The following LRRC75A variants were observed in gnomAD, a reference collection of about 807,000 sequenced individuals.
LRRC75A encodes leucine rich repeat containing 75A, also known as leucine-rich repeat-containing protein 75A.
In LRRC75A, 12 loss-of-function variants were observed where a neutral mutation model predicts 26.0. The ratio of observed to expected loss-of-function variants is 0.46; its 90% CI spans 0.30 to 0.75. The LOEUF (loss-of-function observed/expected upper bound fraction) is 0.75. Among genes scored for constraint, LRRC75A ranks in the 30% least tolerant of loss-of-function variants. LRRC75A has a pLI of 0.08. For missense variants in LRRC75A, 410 were observed against 486.6 expected (o/e 0.84, Z 1.48); for synonymous variants, 223 against 219.3 (o/e 1.02, Z -0.15).
intron 1 of LRRC75A, among the ~76,000 whole-genome samples, chr17:16,476,062 G>A (rs374315173): frequency 9.8e-5 from 15 of 152,290 alleles, no homozygotes; most frequent in African/African-American, 3.4e-4. Flanking sequence ...GGGTGTGATG[G>A]CAGGTGCCTA....
At chr17:16,458,077 G>A (rs1419810391) in intron 2 of LRRC75A, among the ~76,000 whole-genome samples, 1 of 152,172 alleles carries the variant, frequency 6.6e-6, no homozygotes, top group Non-Finnish European at 1.5e-5. Flanking sequence ...GGCCAAGGTG[G>A]GTGGATCACC....
At chr17:16,486,239 G>C (rs925275535) in intron 1 of LRRC75A, among the ~76,000 whole-genome samples, 4 of 152,104 alleles carry the variant, frequency 2.6e-5, no homozygotes, top group African/African-American at 9.7e-5. Flanking sequence ...GGTACTTTAG[G>C]ACCTCTGAAG....
At chr17:16,454,458 G>GCCCC (rs2093660330) in intron 2 of LRRC75A, among the ~76,000 whole-genome samples, 1 of 151,870 alleles carries the variant, frequency 6.6e-6, no homozygotes, top group African/African-American at 2.4e-5. Flanking sequence ...TTGGGAGGCA[G>GCCCC]AGGGGGGCGG....
intron 1 of LRRC75A, among the ~76,000 whole-genome samples, chr17:16,490,730 G>T (rs2093855549): frequency 6.6e-6 from 1 of 152,146 alleles, no homozygotes; most frequent in Admixed American, 6.5e-5. Context: ...CCCCAGAAAG[G>T]TCACCTGAGA....
In LRRC75A at chr17:16,444,142, A is replaced by G; in HGVS notation, c.492-11T>C. On this transcript the variant is annotated splice_polypyrimidine_tract_variant and intron_variant, in intron 3 of 3. Coordinates refer to ENST00000470794, the MANE Select transcript of LRRC75A (RefSeq NM_001113567.3). ...AGGACAGCCTTGAGGCTGAAGGGAA[A>G]AAGGACAAACAAGGCTCAGGCACAT... 1 of 1,576,800 alleles carries G rather than the reference A, an allele frequency of 6.3e-7. No individual in the cohort carries two copies. Among genetic ancestry groups the G allele is most frequent in the Non-Finnish European group, 8.6e-7 (1 of 1,157,918 alleles).
Position 16,443,970 on chromosome 17 carries a change from A to G in LRRC75A, c.653T>C (p.Met218Thr). The G allele has an allele frequency of 6.2e-7, 1 of 1,613,576 alleles. No homozygotes were observed. Among genetic ancestry groups the G allele is most frequent in the Non-Finnish European group, 8.5e-7 (1 of 1,180,014 alleles). ...GAGTGCTGGCAGCAGCTGCAGGACCATGTCGTCCGTGAGGCCTGTGAAGCC... is the reference window on the plus strand; with the variant it reads ...GAGTGCTGGCAGCAGCTGCAGGACCGTGTCGTCCGTGAGGCCTGTGAAGCC... Reference protein sequence around the residue: ...ELGFTGLTDDMVLQLLPALST... With the variant: ...ELGFTGLTDDTVLQLLPALST... The change falls in exon 4 of 4, where the codon ATG becomes ACG. Residue 218 changes from methionine (M) to threonine (T), a missense_variant. By Grantham distance (81) the Met-to-Thr change is moderately conservative (BLOSUM62 -1). Transcript: ENST00000470794.
Position 16,443,698 on chromosome 17 carries a change from C to G in LRRC75A, c.925G>C (p.Glu309Gln). 2 of 1,611,092 alleles carry G rather than the reference C, an allele frequency of 1.2e-6. No homozygotes were observed. Among genetic ancestry groups the G allele is most frequent in the Non-Finnish European group, 1.7e-6 (2 of 1,178,660 alleles). ...LELGEGPGSG[E>Q]EVREGTVGQE... Reference sequence around the variant, plus strand: ...CCTACTGTCCCTTCCCGGACCTCCTCCCCACTGCCTGGGCCCTCACCCAGC... The same window carrying G: ...CCTACTGTCCCTTCCCGGACCTCCTGCCCACTGCCTGGGCCCTCACCCAGC... The change falls in exon 4 of 4, where the codon GAG becomes CAG. Residue 309 changes from glutamate (E) to glutamine (Q), a missense_variant. Glu to Gln is a conservative substitution (Grantham distance 29). Transcript: ENST00000470794.
At chr17:16,464,630 GGACCACA>G (rs1466488476) in intron 1 of LRRC75A, among the ~76,000 whole-genome samples, 1 of 152,200 alleles carries the variant, frequency 6.6e-6, no homozygotes, top group Non-Finnish European at 1.5e-5. Context: ...TCGATCTCCT[GGACCACA>G]GACCCAATTG....
At chr17:16,465,740 C>T (rs560318040) in intron 1 of LRRC75A, among the ~76,000 whole-genome samples, 8 of 152,358 alleles carry the variant, frequency 5.3e-5, no homozygotes, top group African/African-American at 1.7e-4. Context: ...CCGGAGCCCA[C>T]TCCCCTGCCG....
chr17:16,456,322 AAGAAGGAAGAGGAGGAGGAAG>A (rs1354628755), intron 2 of LRRC75A, among the ~76,000 whole-genome samples: 32 of 36,194 alleles, frequency 8.8e-4, no homozygotes, highest in Non-Finnish European at 1.3e-3. Context: ...GGAAGAGGAG[AAGAAGGAAGAGGAGGAGGAAG>A]AGAAGGAAGA....
chr17:16,442,109 TC>T lies in LRRC75A; in HGVS notation c.*1478del, dbSNP rs370529510. ...AGATATTCGCTCTAGCTTGTAAACT[TC>T]CCTGTGGTCAGCCTAAGCTCTTAAC... On this transcript the variant is annotated 3_prime_UTR_variant, in exon 4 of 4. Coordinates refer to ENST00000470794, the MANE Select transcript of LRRC75A (RefSeq NM_001113567.3). 5 of 152,466 alleles carry T rather than the reference TC, an allele frequency of 3.3e-5. No individual in the cohort carries two copies. The highest frequency in any genetic ancestry group is 1.2e-4 in the African/African-American group (5 of 41,588). The allele number at this position is 152,466 out of a possible 1,614,324, so 9.4% of individuals were successfully genotyped here. A position where few individuals can be genotyped will look rare whatever the true frequency, so the allele number is the denominator to read the frequency against.
chr17:16,483,847 G>C (rs2093840150), intron 1 of LRRC75A, among the ~76,000 whole-genome samples: 1 of 152,238 alleles, frequency 6.6e-6, no homozygotes, highest in South Asian at 2.1e-4. Flanking sequence ...CTGGTGGGTT[G>C]CCTGTTGCAT....
intron 1 of LRRC75A, among the ~76,000 whole-genome samples, chr17:16,480,481 T>C (rs988935379): frequency 1.3e-5 from 2 of 151,818 alleles, no homozygotes; most frequent in Admixed American, 1.3e-4. Context: ...ATACAAAAAT[T>C]AGCCGGGCAT....
Position 16,462,173 on chromosome 17 carries a change from C to T in LRRC75A, c.375+85G>A. On this transcript the variant is annotated intron_variant, in intron 2 of 3. Transcript: ENST00000470794. The surrounding 1 kb of genome is among the most constrained non-coding windows in gnomAD (Gnocchi z 4.6). ...TCCTCCTTGGGCCTGTCTGCCAGTC[C>T]TCCTTGGGCATACAGCTGCTCTGCC... 1 of 1,491,484 alleles carries T rather than the reference C, an allele frequency of 6.7e-7. No homozygotes were observed. The highest frequency in any genetic ancestry group is 1.9e-5 in the Admixed American group (1 of 52,972). 92.4% of individuals were successfully genotyped at this position (1,491,484 alleles called of 1,614,324 possible).
rs1271687603 is a variant in LRRC75A at position 16,471,832 on chromosome 17, G to A, written c.247-9446C>T. ...ACAAATACCGCATGAGGCCACTTAC[G>A]TGAGGGACCAAGAGTATCTAATCAT... is the stretch of plus-strand genomic sequence containing the variant. On this transcript the variant is annotated intron_variant, in intron 1 of 3. Coordinates refer to ENST00000470794, the MANE Select transcript of LRRC75A (RefSeq NM_001113567.3). Among the ~76,000 whole-genome samples the A allele has an allele frequency of 3.3e-5, 5 of 152,198 alleles. No individual in the cohort carries two copies. In the South Asian group the frequency reaches 6.2e-4, roughly 19 times the overall value.
Position 16,491,839 on chromosome 17 carries a change from T to C in LRRC75A, c.152A>G (p.Tyr51Cys). 1 of 1,402,132 alleles carries C rather than the reference T, an allele frequency of 7.1e-7. No individual in the cohort carries two copies. The allele number at this position is 1,402,132 out of a possible 1,614,324, so 86.9% of individuals were successfully genotyped here. ...CTGGACCATGCCGACTCGCCGGTGGTAGGGGGGCATCCCCGCGCCCGCGCG... is the reference window on the plus strand; with the variant it reads ...CTGGACCATGCCGACTCGCCGGTGGCAGGGGGGCATCCCCGCGCCCGCGCG... ...AGRAGAGMPP[Y>C]HRRVGMVQEL... The change falls in exon 1 of 4, where the codon TAC becomes TGC. Residue 51 changes from tyrosine to cysteine, a missense_variant. Tyr to Cys is a radical substitution (Grantham distance 194). Transcript: ENST00000470794. The surrounding 1 kb of genome is among the most constrained non-coding windows in gnomAD (Gnocchi z 5.9).
At chr17:16,486,973 G>A (rs76959597) in intron 1 of LRRC75A, among the ~76,000 whole-genome samples, 6,879 of 152,316 alleles carry the variant, frequency 0.045, 210 homozygotes, top group Non-Finnish European at 0.069. Flanking sequence ...GGTATGCCAC[G>A]AGCCTACAGG....
At chr17:16,487,095 T>C (rs1433051134) in intron 1 of LRRC75A, among the ~76,000 whole-genome samples, 2 of 152,190 alleles carry the variant, frequency 1.3e-5, no homozygotes, top group Non-Finnish European at 2.9e-5. Context: ...TCTGCATGGA[T>C]TGAATGCCTC....
chr17:16,474,266 T>C (rs2093814432), intron 1 of LRRC75A, among the ~76,000 whole-genome samples: 1 of 152,186 alleles, frequency 6.6e-6, no homozygotes. Context: ...ATGAGAAGGT[T>C]GCACCAGCTC....
Sources: allele counts gnomAD v4.1 joint callset (sites outside exome capture counted in the v4.1 genomes callset), GRCh38; gene constraint gnomAD v4.1.1; non-coding constraint Gnocchi (gnomAD v3.1); transcripts MANE v1.5; gene names NCBI Gene and HGNC (gene_info 2026-07-23, HGNC 2026-07-21).